OTOA: variants seen among roughly 807,000 people sequenced by gnomAD.
OTOA encodes otoancorin.
Under a neutral mutation model 110.8 loss-of-function variants are expected in OTOA, and 70 were observed. The observed-to-expected ratio is 0.63, with a 90% CI of 0.52 to 0.77. The LOEUF is 0.77. Among genes scored for constraint, OTOA ranks in the 30% least tolerant of loss-of-function variants. The probability of loss-of-function intolerance (pLI) is 0.00; values close to 1 mark genes in which losing one functional copy is unlikely to be tolerated. For synonymous variants in OTOA, 373 were observed against 431.5 expected (o/e 0.86, Z 1.68); for missense variants, 917 against 1,075.8 (o/e 0.85, Z 2.06).
chr16:21,698,007 C>T, intron 10 of OTOA, 132 bp downstream of exon 10: 1 of 754,212 alleles, frequency 1.3e-6, no homozygotes, highest in Non-Finnish European at 2.3e-6. Flanking sequence ...GCCCAATAGA[C>T]CTTGGGCCTC....
chr16:21,709,730 T>C (rs1312681679), intron 12 of OTOA, among the ~76,000 whole-genome samples, 158 bp from the exon 13 acceptor site: 1 of 152,174 alleles, frequency 6.6e-6, no homozygotes, highest in Non-Finnish European at 1.5e-5. Context: ...TGTCTGGGCA[T>C]GGCAGGAGTC....
intron 1 of OTOA, among the ~76,000 whole-genome samples, chr16:21,671,306 G>C (rs192685653): frequency 3.9e-5 from 6 of 152,082 alleles, no homozygotes; most frequent in African/African-American, 1.4e-4. Flanking sequence ...CTCGTCCAAG[G>C]CCGGGCTCAG....
At chr16:21,695,891 A>ATATATATATATATATATTTT (rs569493650) in intron 9 of OTOA, among the ~76,000 whole-genome samples, 2 of 41,898 alleles carry the variant, frequency 4.8e-5, no homozygotes, top group African/African-American at 1.5e-4. Flanking sequence ...ATATATATAT[A>ATATATATATATATATATTTT]TTTTTTTTTT....
chr16:21,685,542 G>A (rs1897698049), intron 7 of OTOA, among the ~76,000 whole-genome samples, 181 bp downstream of exon 7: 1 of 152,104 alleles, frequency 6.6e-6, no homozygotes, highest in African/African-American at 2.4e-5. Context: ...TTTCTCCAAA[G>A]TTAAAATGAA....
At chr16:21,689,747 C>A (rs1897790958) in intron 8 of OTOA, among the ~76,000 whole-genome samples, 1 of 151,748 alleles carries the variant, frequency 6.6e-6, no homozygotes, top group South Asian at 2.1e-4. Flanking sequence ...GTGCAATGGC[C>A]CCATCTCGGC....
chr16:21,727,749 G>T (rs1054693619), intron 19 of OTOA, among the ~76,000 whole-genome samples: 4 of 152,024 alleles, frequency 2.6e-5, no homozygotes, highest in African/African-American at 9.7e-5. Context: ...GGGTTTTCCA[G>T]ATTTCTGAGG....
chr16:21,665,729 G>C (rs752667575), intron 1 of OTOA, among the ~76,000 whole-genome samples: 6 of 152,082 alleles, frequency 3.9e-5, no homozygotes, highest in Non-Finnish European at 8.8e-5. Flanking sequence ...GAGAAGAAGG[G>C]GAATAGCTGT....
chr16:21,760,460 T>C lies in OTOA; in HGVS notation c.3350-10T>C, dbSNP rs1900134465. The C allele has an allele frequency of 6.4e-7, 1 of 1,558,900 alleles. No individual in the cohort carries two copies. Among genetic ancestry groups the C allele is most frequent in the Non-Finnish European group, 8.8e-7 (1 of 1,136,962 alleles). ...CTTCATGTGTACTCTTATTTTGTAT[T>C]TGCTTTTAGGAGCTCTCCAGTCGTG... On this transcript the variant is annotated splice_polypyrimidine_tract_variant and intron_variant, in intron 28 of 28. Coordinates refer to ENST00000646100, the MANE Select transcript of OTOA (RefSeq NM_144672.4).
intron 1 of OTOA, among the ~76,000 whole-genome samples, chr16:21,669,953 T>G (rs1966846859): frequency 6.6e-6 from 1 of 151,890 alleles, no homozygotes; most frequent in South Asian, 2.1e-4. Context: ...GGGTGAAATC[T>G]CGTCTCTACC....
At chr16:21,692,242 G>A (rs977929305) in intron 9 of OTOA, among the ~76,000 whole-genome samples, 5 of 151,796 alleles carry the variant, frequency 3.3e-5, no homozygotes, top group African/African-American at 1.2e-4. Context: ...CAGGAGAATC[G>A]CTTCAACTGG....
chr16:21,754,210 G>C (rs1161719591), intron 27 of OTOA, among the ~76,000 whole-genome samples: 22 of 111,730 alleles, frequency 2.0e-4, no homozygotes, highest in Admixed American at 2.9e-4. Flanking sequence ...AGGGAAGCAG[G>C]GTATCTAATG....
intron 14 of OTOA, 49 bp from the exon 15 acceptor site, chr16:21,716,858 C>T: frequency 6.2e-7 from 1 of 1,610,780 alleles, no homozygotes; most frequent in Non-Finnish European, 8.5e-7. Context: ...TTCCTCAAAG[C>T]TCAATGCATT....
intron 10 of OTOA, among the ~76,000 whole-genome samples, chr16:21,698,518 G>T (rs1055759240): frequency 6.6e-6 from 1 of 152,104 alleles, no homozygotes; most frequent in African/African-American, 2.4e-5. Context: ...AAGAGACTGT[G>T]GGCCTTGCTT....
chr16:21,675,063 GTCTTTCTTTCTTTCTTTCTT>G (rs199797416), intron 1 of OTOA, among the ~76,000 whole-genome samples: 4,924 of 123,256 alleles, frequency 0.04, 366 homozygotes, highest in African/African-American at 0.14. Flanking sequence ...TTTTCTTTCT[GTCTTTCTTTCTTTCTTTCTT>G]TCTTTCTTTC....
rs386384450 is a variant in OTOA at position 21,695,891 on chromosome 16, A to AT, written c.740-1865dup. 5.9e-3 allele frequency among the ~76,000 whole-genome samples: 246 copies of AT among 41,900 alleles called. 25 individuals carry two copies. The highest frequency in any genetic ancestry group is 0.031 in the Middle Eastern group (1 of 32). 27.5% of individuals were successfully genotyped at this position (41,900 alleles called of 152,430 possible). On this transcript the variant is annotated intron_variant, in intron 9 of 28. Transcript: ENST00000646100. ...GATATATATATATATATATATATATATTTTTTTTTTTTTTTTTTTCTGAGA... is the reference window on the plus strand; with the variant it reads ...GATATATATATATATATATATATATATTTTTTTTTTTTTTTTTTTTCTGAGA...
intron 7 of OTOA, among the ~76,000 whole-genome samples, chr16:21,686,386 C>A (rs1316474353): frequency 1.3e-5 from 2 of 151,706 alleles, no homozygotes; most frequent in Non-Finnish European, 2.9e-5. Context: ...TATCCTGAGC[C>A]CAAGTGATCC....
At chr16:21,695,635 T>C (rs545718813) in intron 9 of OTOA, among the ~76,000 whole-genome samples, 29 of 151,888 alleles carry the variant, frequency 1.9e-4, no homozygotes, top group African/African-American at 7.0e-4. Flanking sequence ...TGAATCAGTC[T>C]ATATAAAAGT....
At chr16:21,727,825 A>G (rs1178808810) in intron 19 of OTOA, among the ~76,000 whole-genome samples, 1 of 151,766 alleles carries the variant, frequency 6.6e-6, no homozygotes, top group Non-Finnish European at 1.5e-5. Context: ...GTAGGCAGTT[A>G]AGATCCTGGA....
intron 24 of OTOA, among the ~76,000 whole-genome samples, chr16:21,749,937 G>A (rs1341463276): frequency 9.1e-5 from 13 of 142,762 alleles, no homozygotes; most frequent in African/African-American, 2.1e-4. Context: ...CTCCTGCTTC[G>A]GCCTCCCAAA....
Sources: allele counts gnomAD v4.1 joint callset (sites outside exome capture counted in the v4.1 genomes callset), GRCh38; gene constraint gnomAD v4.1.1; transcripts MANE v1.5; gene names NCBI Gene and HGNC (gene_info 2026-07-23, HGNC 2026-07-21).